Variants in C1D observed in about 807,000 individuals in gnomAD.
The protein encoded by C1D is C1D nuclear receptor corepressor.
In C1D, 10 loss-of-function variants were observed where a neutral mutation model predicts 17.5. That is an observed-to-expected ratio of 0.57 (90% CI 0.35 to 0.97). The LOEUF is 0.97. C1D is among the 50% of genes least tolerant of loss of function. The pLI, the probability that C1D is intolerant of heterozygous loss-of-function variation, is 0.01. For missense variants in C1D, 136 were observed against 160.1 expected (o/e 0.85, Z 0.81); for synonymous variants, 49 against 54.0 (o/e 0.91, Z 0.40).
At chr2:68,058,784 T>C (rs1671514221) in intron 1 of C1D, among the ~76,000 whole-genome samples, 1 of 152,228 alleles carries the variant, frequency 6.6e-6, no homozygotes, top group Non-Finnish European at 1.5e-5. Context: ...CTTCTGTTCC[T>C]GTCACTACTC....
intron 3 of C1D, 58 bp downstream of exon 3, chr2:68,046,286 T>C: frequency 8.0e-7 from 1 of 1,251,178 alleles, no homozygotes; most frequent in Non-Finnish European, 1.2e-6. Flanking sequence ...TAAAAATAAA[T>C]CATCTTTCAC....
intron 1 of C1D, chr2:68,053,286 A>T: frequency 7.1e-7 from 1 of 1,400,644 alleles, no homozygotes; most frequent in East Asian, 2.5e-5. Context: ...CCTTCCTCTC[A>T]CTGGTTATAC....
chr2:68,047,746 T>C (rs927066603), intron 1 of C1D, among the ~76,000 whole-genome samples: 1 of 152,202 alleles, frequency 6.6e-6, no homozygotes, highest in Admixed American at 6.5e-5. Context: ...TTTGTATTTT[T>C]ACAGAACTTT....
chr2:68,051,688 C>A (rs1451403951), intron 1 of C1D, among the ~76,000 whole-genome samples: 2 of 151,948 alleles, frequency 1.3e-5, no homozygotes, highest in African/African-American at 4.8e-5. Flanking sequence ...CTTTGGGCTT[C>A]TCTCCTTCCT....
Position 68,041,561 on chromosome 2 carries a change from A to G in C1D, c.*1328T>C, listed in dbSNP as rs1670959148. On this transcript the variant is annotated 3_prime_UTR_variant, in exon 5 of 5. Transcript: ENST00000410067. ...TCACTAATGTTCTTCCACTTCAAAA[A>G]CTGACATCAGAGACAGAAAAGACCT... The G allele has an allele frequency of 6.6e-6, 1 of 151,986 alleles. No individual in the cohort carries two copies. Among genetic ancestry groups the G allele is most frequent in the South Asian group, 2.1e-4 (1 of 4,830 alleles). The allele number at this position is 151,986 out of a possible 1,614,324, so 9.4% of individuals were successfully genotyped here. A position where few individuals can be genotyped will look rare whatever the true frequency, so the allele number is the denominator to read the frequency against.
At chr2:68,061,217 G>C (rs1451916537) in intron 1 of C1D, among the ~76,000 whole-genome samples, 2 of 152,136 alleles carry the variant, frequency 1.3e-5, no homozygotes, top group African/African-American at 4.8e-5. Flanking sequence ...ATTATCTTAG[G>C]AGAAAATAAC....
At chr2:68,053,582 T>A (rs1671348598) in intron 1 of C1D, among the ~76,000 whole-genome samples, 1 of 152,222 alleles carries the variant, frequency 6.6e-6, no homozygotes, top group South Asian at 2.1e-4. Flanking sequence ...TTACAAAATA[T>A]GCTTTAAACA....
intron 4 of C1D, among the ~76,000 whole-genome samples, chr2:68,044,632 CG>C (rs368784375): frequency 4.1e-4 from 62 of 151,924 alleles, no homozygotes; most frequent in African/African-American, 1.4e-3. Flanking sequence ...GGTGTGAACC[CG>C]GGAGGTGGAG....
chr2:68,055,742 G>A (rs1486550660), intron 1 of C1D, among the ~76,000 whole-genome samples: 1 of 151,984 alleles, frequency 6.6e-6, no homozygotes, highest in Non-Finnish European at 1.5e-5. Flanking sequence ...AAGTATAGAG[G>A]GGTAAAATTA....
In C1D at chr2:68,053,476, C is replaced by T. The variant is rs546755805; in HGVS notation, c.-9-6157G>A. On this transcript the variant is annotated intron_variant, in intron 1 of 4. Coordinates refer to ENST00000410067, the MANE Select transcript of C1D (RefSeq NM_173177.3). ...TATGGCTCCCTTAATCTCCTTACAC[C>T]ACAAGCTTTCCTCTATTCTCACTGA... is the stretch of plus-strand genomic sequence containing the variant. 3.9e-5 allele frequency among the ~76,000 whole-genome samples: 6 copies of T among 152,338 alleles called. No individual in the cohort carries two copies. The East Asian group carries it at 9.6e-4, about 24-fold the overall frequency.
intron 1 of C1D, among the ~76,000 whole-genome samples, chr2:68,058,472 T>C (rs1671503287): frequency 6.6e-6 from 1 of 152,186 alleles, no homozygotes; most frequent in Non-Finnish European, 1.5e-5. Flanking sequence ...ACAAAAACTG[T>C]AGTGCGGGCA....
intron 1 of C1D, among the ~76,000 whole-genome samples, chr2:68,050,578 C>A (rs895077138): frequency 6.6e-6 from 1 of 152,168 alleles, no homozygotes; most frequent in Non-Finnish European, 1.5e-5. Context: ...TCTCCGTTTC[C>A]TTTCTATCTC....
At chr2:68,046,965 T>C (rs9807970) in intron 2 of C1D, among the ~76,000 whole-genome samples, 33,470 of 151,892 alleles carry the variant, frequency 0.22, 4,273 homozygotes, top group African/African-American at 0.36. Flanking sequence ...TTTCCAAAAC[T>C]AAGTTAAAAA....
In C1D at chr2:68,043,928, T is replaced by C. The variant is rs74853564; in HGVS notation, c.262-875A>G. On this transcript the variant is annotated intron_variant, in intron 4 of 4. Transcript: ENST00000410067. Reference sequence around the variant, plus strand: ...GCACAGTGCTTATGATGGTGGATACTAGCTACAGCACACACACACCAACCT... The same window carrying C: ...GCACAGTGCTTATGATGGTGGATACCAGCTACAGCACACACACACCAACCT... Among the ~76,000 whole-genome samples, 124 of 152,342 alleles carry C rather than the reference T, an allele frequency of 8.1e-4. 3 individuals carry two copies. The East Asian group carries it at 0.015, about 18-fold the overall frequency.
At chr2:68,047,143 C>T (rs373633164) in intron 2 of C1D, 30 bp downstream of exon 2, 30 of 1,581,728 alleles carry the variant, frequency 1.9e-5, no homozygotes, top group Non-Finnish European at 5.2e-6. Flanking sequence ...TTATGAAATT[C>T]ATTTTTAGGA....
intron 4 of C1D, among the ~76,000 whole-genome samples, chr2:68,043,787 C>T (rs1671039287): frequency 6.6e-6 from 1 of 152,186 alleles, no homozygotes; most frequent in South Asian, 2.1e-4. Flanking sequence ...TAAAAACAAG[C>T]TTTATTAAAA....
At chr2:68,060,985 C>T (rs552586495) in intron 1 of C1D, among the ~76,000 whole-genome samples, 1 of 152,278 alleles carries the variant, frequency 6.6e-6, no homozygotes, top group East Asian at 1.9e-4. Context: ...ACAGTTTGAG[C>T]TTACAGATAC....
At position 68,047,213 on chromosome 2, in the gene C1D, T is replaced by A; in HGVS notation, c.98A>T (p.Lys33Met). 1 of 1,612,262 alleles carries A rather than the reference T, an allele frequency of 6.2e-7. No individual in the cohort carries two copies. Among genetic ancestry groups the A allele is most frequent in the Non-Finnish European group, 8.5e-7 (1 of 1,179,598 alleles). Residue 33 changes from lysine (K) to methionine (M), a missense_variant, in exon 2 of 5, where the codon AAG becomes ATG. Physicochemically the swap from Lys to Met is moderately conservative, Grantham distance 95. Transcript: ENST00000410067. Reference sequence around the variant, plus strand: ...ATTTCTAGAAACAGACATCATGGTCTTCAGCATCTCATCCACAGCACCAAT... The same window carrying A: ...ATTTCTAGAAACAGACATCATGGTCATCAGCATCTCATCCACAGCACCAAT... Reference protein sequence around the residue: ...NSIGAVDEMLKTMMSVSRNEL... With the variant: ...NSIGAVDEMLMTMMSVSRNEL...
intron 4 of C1D, 49 bp downstream of exon 4, chr2:68,045,939 C>T: frequency 7.7e-7 from 1 of 1,296,300 alleles, no homozygotes; most frequent in South Asian, 1.3e-5. Flanking sequence ...TGACAAACCT[C>T]AGGAATACAA....
Sources: allele counts gnomAD v4.1 joint callset (sites outside exome capture counted in the v4.1 genomes callset), GRCh38; gene constraint gnomAD v4.1.1; transcripts MANE v1.5; gene names NCBI Gene and HGNC (gene_info 2026-07-23, HGNC 2026-07-21).